Variants in ZBTB7C observed in about 807,000 individuals in gnomAD.
ZBTB7C encodes the protein zinc finger and BTB domain containing 7C.
A neutral mutation model predicts 25.7 loss-of-function variants in ZBTB7C; 8 were observed. The ratio of observed to expected loss-of-function variants is 0.31; its 90% CI spans 0.18 to 0.56. The LOEUF is 0.56. Ranked by LOEUF, ZBTB7C falls within the 20% of genes least tolerant of loss-of-function variation. The probability of loss-of-function intolerance (pLI) is 0.91; values close to 1 mark genes in which losing one functional copy is unlikely to be tolerated. For missense variants in ZBTB7C, 824 were observed against 855.2 expected, an observed-to-expected ratio of 0.96 and a Z score of 0.46; for synonymous variants, 394 against 369.0, an observed-to-expected ratio of 1.07 and a Z score of -0.78.
rs752120586 is a variant in ZBTB7C at position 48,029,606 on chromosome 18, A to G, written c.1514T>C (p.Phe505Ser). 1 of 1,488,054 alleles carries G rather than the reference A, an allele frequency of 6.7e-7. No homozygotes were observed. The allele number at this position is 1,488,054 out of a possible 1,614,324, so 92.2% of individuals were successfully genotyped here. ...CTCGCCCAGCGCAGGGGGCATCACG[A>G]AGGCCGCCTTGTCGGGGGCCGGGCC... ...PGGPAPDKAAFVMPPALGEVG... is the reference protein window; with the variant it reads ...PGGPAPDKAASVMPPALGEVG... Residue 505 changes from phenylalanine to serine, a missense_variant, in exon 5 of 5, where the codon TTC becomes TCC. This residue lies in a region of ZBTB7C where 342 missense variants were observed against 307.0 expected (regional missense o/e 1.11). Coordinates refer to ENST00000590800, the MANE Select transcript of ZBTB7C (RefSeq NM_001318841.2).
chr18:48,233,353 T>A (rs11082665), intron 2 of ZBTB7C, among the ~76,000 whole-genome samples: 8,248 of 152,202 alleles, frequency 0.054, 1,004 homozygotes, highest in East Asian at 0.48. Context: ...AAATAAATTT[T>A]TCTTTATAAT....
At chr18:48,071,000 C>T (rs912045254) in intron 3 of ZBTB7C, among the ~76,000 whole-genome samples, 2 of 152,198 alleles carry the variant, frequency 1.3e-5, no homozygotes, top group African/African-American at 4.8e-5. Flanking sequence ...TCCCCAGCAG[C>T]GTCTAAGGTT....
At chr18:48,048,358 A>C (rs2036553994) in intron 3 of ZBTB7C, among the ~76,000 whole-genome samples, 1 of 152,190 alleles carries the variant, frequency 6.6e-6, no homozygotes, top group Non-Finnish European at 1.5e-5. Flanking sequence ...CCTTCTGAAA[A>C]TAGGCTTAAC....
chr18:48,331,274 A>AT (rs1444780566), intron 2 of ZBTB7C, among the ~76,000 whole-genome samples: 4 of 152,158 alleles, frequency 2.6e-5, no homozygotes, highest in Non-Finnish European at 5.9e-5. Context: ...AAATGGTACC[A>AT]AATAATAATC....
At chr18:48,208,695 C>T (rs1463118579) in intron 2 of ZBTB7C, among the ~76,000 whole-genome samples, 3 of 152,232 alleles carry the variant, frequency 2.0e-5, no homozygotes, top group Admixed American at 6.5e-5. Flanking sequence ...TGGCCTGGCT[C>T]GGAAGCCCCT....
chr18:48,345,377 A>G (rs1857675752), intron 1 of ZBTB7C, among the ~76,000 whole-genome samples: 1 of 152,174 alleles, frequency 6.6e-6, no homozygotes, highest in Admixed American at 6.5e-5. Flanking sequence ...TTTCAGGGCT[A>G]TCAGCTACCT....
chr18:48,397,154 A>C (rs2048046899), intron 1 of ZBTB7C, among the ~76,000 whole-genome samples: 1 of 152,250 alleles, frequency 6.6e-6, no homozygotes, highest in Non-Finnish European at 1.5e-5. Context: ...CTAAAATGGA[A>C]ATTATGCCAT....
At chr18:48,092,377 G>A (rs2038452329) in intron 3 of ZBTB7C, among the ~76,000 whole-genome samples, 1 of 152,238 alleles carries the variant, frequency 6.6e-6, no homozygotes. Context: ...TATGCCAGTT[G>A]TACTGGTTAT....
intron 3 of ZBTB7C, among the ~76,000 whole-genome samples, chr18:48,060,921 G>C (rs1046100469): frequency 2.0e-5 from 3 of 152,056 alleles, no homozygotes; most frequent in African/African-American, 7.3e-5. Flanking sequence ...AGAGTGAAAG[G>C]GGCTGCCAGG....
In ZBTB7C at chr18:48,242,803, C is replaced by T. The variant is rs886570332; in HGVS notation, c.-78-56808G>A. 2.0e-5 allele frequency among the ~76,000 whole-genome samples: 3 copies of T among 152,256 alleles called. No homozygotes were observed. The East Asian group carries it at 5.8e-4, about 29-fold the overall frequency. On this transcript the variant is annotated intron_variant, in intron 2 of 4. Coordinates refer to ENST00000590800, the MANE Select transcript of ZBTB7C (RefSeq NM_001318841.2). ...AGAACTGGAACAAGACAAGAATACCCACTTTCACCACTTCTGTTCAACATA... is the reference window on the plus strand; with the variant it reads ...AGAACTGGAACAAGACAAGAATACCTACTTTCACCACTTCTGTTCAACATA...
At chr18:48,144,713 C>A (rs1344085190) in intron 3 of ZBTB7C, among the ~76,000 whole-genome samples, 1 of 152,156 alleles carries the variant, frequency 6.6e-6, no homozygotes, top group Non-Finnish European at 1.5e-5. Context: ...CCCCTGACCT[C>A]TCACTCAGGA....
chr18:48,296,372 G>A lies in ZBTB7C; in HGVS notation c.-79+41802C>T, dbSNP rs546968488. On this transcript the variant is annotated intron_variant, in intron 2 of 4. Coordinates refer to ENST00000590800, the MANE Select transcript of ZBTB7C (RefSeq NM_001318841.2). ...CACTCGGGAGCCTCTAGTGGTCCCC[G>A]CTAACCCTCACCACCAAGCCTAAGG... 3.0e-3 allele frequency among the ~76,000 whole-genome samples: 452 copies of A among 152,260 alleles called. 1 individual carries two copies. Among genetic ancestry groups the A allele is most frequent in the Non-Finnish European group, 4.7e-3 (320 of 68,004 alleles).
At chr18:48,139,004 G>C (rs2040258941) in intron 3 of ZBTB7C, among the ~76,000 whole-genome samples, 1 of 152,076 alleles carries the variant, frequency 6.6e-6, no homozygotes, top group Admixed American at 6.5e-5. Flanking sequence ...GCGGACTGGA[G>C]AGTGGGGCAA....
intron 3 of ZBTB7C, among the ~76,000 whole-genome samples, chr18:48,163,217 G>A (rs947583667): frequency 7.2e-5 from 11 of 152,164 alleles, no homozygotes; most frequent in African/African-American, 2.7e-4. Context: ...TGAGCCCTGA[G>A]CAAAATCTCC....
intron 2 of ZBTB7C, among the ~76,000 whole-genome samples, chr18:48,236,859 A>G (rs2043393367): frequency 6.6e-6 from 1 of 152,236 alleles, no homozygotes; most frequent in South Asian, 2.1e-4. Context: ...CATGCCAGGT[A>G]GCTTTGCAGA....
At chr18:48,090,491 G>A (rs370036152) in intron 3 of ZBTB7C, among the ~76,000 whole-genome samples, 4 of 152,348 alleles carry the variant, frequency 2.6e-5, no homozygotes, top group South Asian at 4.1e-4. Flanking sequence ...AACAAACCAA[G>A]TCCTCCGTCA....
At position 48,367,210 on chromosome 18, in the gene ZBTB7C, C is replaced by CATATATATATATAT. The variant is rs1288430298; in HGVS notation, c.-303-28813_-303-28812insATATATATATATAT. 4.7e-4 allele frequency among the ~76,000 whole-genome samples: 31 copies of CATATATATATATAT among 65,534 alleles called. 2 individuals carry two copies. Among genetic ancestry groups the CATATATATATATAT allele is most frequent in the Non-Finnish European group, 9.2e-4 (29 of 31,540 alleles). The allele number at this position is 65,534 out of a possible 152,430, so 43.0% of individuals were successfully genotyped here. A position where few individuals can be genotyped will look rare whatever the true frequency, so the allele number is the denominator to read the frequency against. On this transcript the variant is annotated intron_variant, in intron 1 of 4. Transcript: ENST00000590800. ...ATATATATATATATATATACACACACACACACACACACACACACACACATA... is the reference window on the plus strand; with the variant it reads ...ATATATATATATATATATACACACACATATATATATATATACACACACACACACACACACACATA...
At chr18:48,293,329 C>A (rs2045289000) in intron 2 of ZBTB7C, among the ~76,000 whole-genome samples, 1 of 152,186 alleles carries the variant, frequency 6.6e-6, no homozygotes, top group Admixed American at 6.5e-5. Context: ...TCATGAGCAC[C>A]CTACCCTAAT....
At chr18:48,115,413 TA>T (rs2039397972) in intron 3 of ZBTB7C, among the ~76,000 whole-genome samples, 1 of 90,846 alleles carries the variant, frequency 1.1e-5, no homozygotes, top group Non-Finnish European at 2.6e-5. Flanking sequence ...CGCACCTAGC[TA>T]ATTTTTTTTG....
Sources: allele counts gnomAD v4.1 joint callset (sites outside exome capture counted in the v4.1 genomes callset), GRCh38; gene constraint gnomAD v4.1.1; regional missense constraint gnomAD v4.1.1; transcripts MANE v1.5; gene names NCBI Gene and HGNC (gene_info 2026-07-23, HGNC 2026-07-21).